PTPRG: variants seen among roughly 807,000 people sequenced by gnomAD.
PTPRG encodes receptor-type tyrosine-protein phosphatase gamma.
Under a neutral mutation model 165.3 loss-of-function variants are expected in PTPRG, and 102 were observed. That is an observed-to-expected ratio of 0.62 (90% CI 0.53 to 0.73). The LOEUF is 0.73. Among genes scored for constraint, PTPRG ranks in the 30% least tolerant of loss-of-function variants. The pLI is 0.00. For synonymous variants in PTPRG, 675 were observed against 669.5 expected, an observed-to-expected ratio of 1.01 and a Z score of -0.13; for missense variants, 1,866 against 1,861.4, an observed-to-expected ratio of 1.00 and a Z score of -0.05.
intron 2 of PTPRG, among the ~76,000 whole-genome samples, chr3:61,934,693 C>G (rs2039443086): frequency 6.6e-6 from 1 of 152,078 alleles, no homozygotes; most frequent in Admixed American, 6.5e-5. Flanking sequence ...GCTGCTCCCA[C>G]TCTTGTCCTA....
chr3:61,954,170 C>T (rs940077541), intron 2 of PTPRG, among the ~76,000 whole-genome samples: 1 of 152,108 alleles, frequency 6.6e-6, no homozygotes, highest in Non-Finnish European at 1.5e-5. Context: ...CCCAACTTCC[C>T]GCCTCCACCA....
chr3:62,092,328 T>C (rs1007913937), intron 5 of PTPRG, among the ~76,000 whole-genome samples: 16 of 149,608 alleles, frequency 1.1e-4, no homozygotes, highest in African/African-American at 3.9e-4. Context: ...TAATCCCTGC[T>C]GCTCGGGAGG....
chr3:61,964,765 C>T (rs1285761825), intron 2 of PTPRG, among the ~76,000 whole-genome samples: 4 of 152,072 alleles, frequency 2.6e-5, no homozygotes, highest in Non-Finnish European at 5.9e-5. Flanking sequence ...GCTTTGTTCT[C>T]TCTGCTTTTT....
At chr3:61,607,895 G>T (rs1701057497) in intron 1 of PTPRG, among the ~76,000 whole-genome samples, 1 of 152,188 alleles carries the variant, frequency 6.6e-6, no homozygotes, top group Non-Finnish European at 1.5e-5. Context: ...GCCTGGCGGG[G>T]TTGGGCTTGG....
chr3:61,981,538 T>C (rs1046426434), intron 2 of PTPRG, among the ~76,000 whole-genome samples: 1 of 152,200 alleles, frequency 6.6e-6, no homozygotes, highest in African/African-American at 2.4e-5. Context: ...TGGATAATCA[T>C]GTTTAGTGAG....
intron 1 of PTPRG, among the ~76,000 whole-genome samples, chr3:61,680,643 A>G (rs543087146): frequency 5.2e-4 from 76 of 146,726 alleles, no homozygotes; most frequent in African/African-American, 7.1e-4. Context: ...ATCAAGGGGG[A>G]AAAAAAAAAG....
chr3:61,649,112 A>G (rs1451939875), intron 1 of PTPRG, among the ~76,000 whole-genome samples: 1 of 151,200 alleles, frequency 6.6e-6, no homozygotes, highest in Non-Finnish European at 1.5e-5. Flanking sequence ...AATTTATTTT[A>G]CTTCCTCCCT....
intron 2 of PTPRG, among the ~76,000 whole-genome samples, chr3:61,920,243 CT>C (rs1481809170): frequency 6.6e-6 from 1 of 152,218 alleles, no homozygotes; most frequent in East Asian, 1.9e-4. Flanking sequence ...AGTCCAGAGT[CT>C]TTCCAGCTCT....
In PTPRG at chr3:62,273,418, G is replaced by A. The variant is rs763697663; in HGVS notation, c.3319-280G>A. ...GGTTCTAAAACCCTTCATTGAACAC[G>A]ATTTTTTGTTTGCTTATTGAGTTGA... On this transcript the variant is annotated intron_variant, in intron 22 of 29. Transcript: ENST00000474889. This position sits in a 1 kb window ranked among gnomAD's most constrained non-coding sequence, Gnocchi z 4.1. Among the ~76,000 whole-genome samples the A allele has an allele frequency of 6.6e-6, 1 of 152,128 alleles. No homozygotes were observed. The highest frequency in any genetic ancestry group is 1.5e-5 in the Non-Finnish European group (1 of 68,022).
Position 62,203,900 on chromosome 3 carries a change from CCCGCGGGGA to C in PTPRG, c.2109_2117del (p.Gly704_Arg706del). The C allele has an allele frequency of 6.2e-7, 1 of 1,602,954 alleles. No individual in the cohort carries two copies. The highest frequency in any genetic ancestry group is 8.5e-7 in the Non-Finnish European group (1 of 1,174,186). ...GAAATGCCATCTAAAAAGCCTATGT[CCCGCGGGGA>C]CCGATTTTCTGAAGACAGCAGATTT... is the stretch of plus-strand genomic sequence containing the variant. On this transcript the variant is annotated inframe_deletion, in exon 12 of 30. Transcript: ENST00000474889. This position sits in a 1 kb window ranked among gnomAD's most constrained non-coding sequence, Gnocchi z 6.4.
rs547663654 is a variant in PTPRG at position 61,569,089 on chromosome 3, C to T, written c.85+6717C>T. 4.2e-4 allele frequency among the ~76,000 whole-genome samples: 64 copies of T among 152,234 alleles called. No individual in the cohort carries two copies. The South Asian group carries it at 0.013, about 31-fold the overall frequency. On this transcript the variant is annotated intron_variant, in intron 1 of 29. Transcript: ENST00000474889. Reference sequence around the variant, plus strand: ...AGGTAACTTACACATTGAATGAAAACTTCATGTGTCAGCCAGTTGATGAGA... The same window carrying T: ...AGGTAACTTACACATTGAATGAAAATTTCATGTGTCAGCCAGTTGATGAGA...
chr3:61,634,468 G>T (rs1257426320), intron 1 of PTPRG, among the ~76,000 whole-genome samples: 2 of 152,030 alleles, frequency 1.3e-5, no homozygotes, highest in African/African-American at 4.8e-5. Context: ...TCGAACTCCT[G>T]ACCTCACGAT....
At chr3:61,840,625 C>A (rs2036599635) in intron 2 of PTPRG, among the ~76,000 whole-genome samples, 1 of 152,034 alleles carries the variant, frequency 6.6e-6, no homozygotes, top group South Asian at 2.1e-4. Context: ...TCATTGATGA[C>A]TGGGCACTCT....
chr3:61,803,878 A>C (rs2035331037), intron 2 of PTPRG, among the ~76,000 whole-genome samples: 1 of 152,204 alleles, frequency 6.6e-6, no homozygotes. Context: ...TACTTGCTCT[A>C]GGACATAGTT....
chr3:62,266,870 C>G (rs1701892476), intron 17 of PTPRG, among the ~76,000 whole-genome samples: 1 of 149,192 alleles, frequency 6.7e-6, no homozygotes, highest in African/African-American at 2.5e-5. Context: ...TGTTCATTAA[C>G]TGAGGTTAAG....
chr3:61,745,745 A>G (rs547243464), intron 1 of PTPRG, among the ~76,000 whole-genome samples: 1 of 152,298 alleles, frequency 6.6e-6, no homozygotes, highest in African/African-American at 2.4e-5. Context: ...TCTGGGGTGA[A>G]GTCCAAGGCA....
chr3:61,938,765 T>A (rs2107601054), intron 2 of PTPRG, among the ~76,000 whole-genome samples: 1 of 152,340 alleles, frequency 6.6e-6, no homozygotes, highest in Non-Finnish European at 1.5e-5. Flanking sequence ...TTCATTATAG[T>A]TGTCTTTTTT....
intron 1 of PTPRG, among the ~76,000 whole-genome samples, chr3:61,704,211 C>T (rs1382804348): frequency 6.6e-6 from 1 of 152,078 alleles, no homozygotes; most frequent in Non-Finnish European, 1.5e-5. Context: ...TTTTGTGGGC[C>T]AGTTACTAAA....
chr3:62,149,677 C>T (rs1339439109), intron 6 of PTPRG, among the ~76,000 whole-genome samples: 1 of 152,202 alleles, frequency 6.6e-6, no homozygotes, highest in African/African-American at 2.4e-5. Flanking sequence ...CTGTGTTTGG[C>T]AGGCCCTCCT....
Sources: gnomAD v4.1 joint callset for allele counts (sites outside exome capture counted in the v4.1 genomes callset) on GRCh38, gnomAD v4.1.1 for gene constraint, Gnocchi (gnomAD v3.1) non-coding constraint, MANE v1.5 for transcripts, NCBI Gene and HGNC (gene_info 2026-07-23, HGNC 2026-07-21) for gene names.